SYNDIG1: variants seen among roughly 807,000 people sequenced by gnomAD.
SYNDIG1 encodes the protein synapse differentiation-inducing gene protein 1.
Under a neutral mutation model 19.4 loss-of-function variants are expected in SYNDIG1, and 9 were observed. That is an observed-to-expected ratio of 0.46 (90% CI 0.28 to 0.81). SYNDIG1 has a LOEUF of 0.81. Among genes scored for constraint, SYNDIG1 ranks in the 30% least tolerant of loss-of-function variants. SYNDIG1 has a pLI of 0.12. For missense variants in SYNDIG1, 311 were observed against 343.3 expected, an observed-to-expected ratio of 0.91 and a Z score of 0.74; for synonymous variants, 141 against 145.9, an observed-to-expected ratio of 0.97 and a Z score of 0.24.
chr20:24,549,872 C>T (rs2057670598), intron 2 of SYNDIG1, among the ~76,000 whole-genome samples: 1 of 152,170 alleles, frequency 6.6e-6, no homozygotes. Context: ...ACTTGGGCCA[C>T]CCAGTGGCTG....
Position 24,469,774 on chromosome 20 carries a change from C to T in SYNDIG1, c.-79+21C>T, listed in dbSNP as rs1471518204. ...CGGAGGTAAGTCCAGACCTCCCGGC[C>T]GCGGGGGCGGGCGGAGGGGCCCGCA... On this transcript the variant is annotated intron_variant, in intron 1 of 3. Transcript: ENST00000376862. 5.9e-5 allele frequency: 9 copies of T among 151,774 alleles called. No individual in the cohort carries two copies. In the South Asian group the frequency reaches 1.9e-3, roughly 31 times the overall value. 9.4% of individuals were successfully genotyped at this position (151,774 alleles called of 1,614,324 possible). A position where few individuals can be genotyped will look rare whatever the true frequency, so the allele number is the denominator to read the frequency against.
intron 1 of SYNDIG1, among the ~76,000 whole-genome samples, chr20:24,509,637 G>A (rs1379715077): frequency 6.6e-6 from 1 of 152,072 alleles, no homozygotes; most frequent in Non-Finnish European, 1.5e-5. Context: ...ATATGCTTTA[G>A]TAGCCTTAAT....
Position 24,663,677 on chromosome 20 carries a change from G to A in SYNDIG1, c.619-1669G>A, listed in dbSNP as rs148457748. 7.8e-3 allele frequency among the ~76,000 whole-genome samples: 1,185 copies of A among 152,308 alleles called. 5 individuals are homozygous for A. The highest frequency in any genetic ancestry group is 0.014 in the Middle Eastern group (4 of 294). ...CAGATGTGTGAGCCCTCATGAGCTC[G>A]GGAAGCCCGGCATGGGTGTTCCCAC... On this transcript the variant is annotated intron_variant, in intron 3 of 3. Coordinates refer to ENST00000376862, the MANE Select transcript of SYNDIG1 (RefSeq NM_024893.3).
Position 24,501,880 on chromosome 20 carries a change from C to T in SYNDIG1, c.-79+32127C>T, listed in dbSNP as rs530193448. ...ACTGGGCACTCACCTCTGCAGGCCC[C>T]GAGCTGCTTCTGGCTGACACCTGTG... On this transcript the variant is annotated intron_variant, in intron 1 of 3. Transcript: ENST00000376862. Among the ~76,000 whole-genome samples, 224 of 152,304 alleles carry T rather than the reference C, an allele frequency of 1.5e-3. 1 individual carries two copies. The highest frequency in any genetic ancestry group is 2.2e-3 in the Non-Finnish European group (151 of 68,018).
intron 3 of SYNDIG1, among the ~76,000 whole-genome samples, chr20:24,653,692 T>A (rs2059496060): frequency 6.6e-6 from 1 of 152,240 alleles, no homozygotes; most frequent in African/African-American, 2.4e-5. Context: ...CTTCTAGGGC[T>A]GCCATAACAA....
At chr20:24,559,408 C>T (rs1320469380) in intron 2 of SYNDIG1, among the ~76,000 whole-genome samples, 2 of 151,976 alleles carry the variant, frequency 1.3e-5, no homozygotes, top group African/African-American at 4.8e-5. Flanking sequence ...GCAATTTATG[C>T]ATGTCATAAA....
Position 24,665,445 on chromosome 20 carries a change from G to T in SYNDIG1, c.718G>T (p.Val240Phe). ...AVLSITIGTG[V>F]YVGVAVALIA... ...GCTGTCCATCACCATTGGGACTGGC[G>T]TCTATGTGGGCGTGGCCGTGGCCCT... Residue 240 changes from valine (V) to phenylalanine (F), a missense_variant, in exon 4 of 4, where the codon GTC (valine) becomes TTC (phenylalanine). Physicochemically the swap from Val to Phe is conservative, Grantham distance 50. Coordinates refer to ENST00000376862, the MANE Select transcript of SYNDIG1 (RefSeq NM_024893.3). The T allele has an allele frequency of 1.9e-6, 3 of 1,613,986 alleles. No individual in the cohort carries two copies. The highest frequency in any genetic ancestry group is 2.5e-6 in the Non-Finnish European group (3 of 1,179,968).
chr20:24,661,485 G>GATGAAGGGAGGA (rs2059593700), intron 3 of SYNDIG1, among the ~76,000 whole-genome samples: 1 of 62,384 alleles, frequency 1.6e-5, no homozygotes, highest in African/African-American at 6.5e-5. Context: ...GAAGAGGGAG[G>GATGAAGGGAGGA]AAGAAGGGAG....
intron 1 of SYNDIG1, among the ~76,000 whole-genome samples, chr20:24,497,105 A>G (rs964721844): frequency 5.9e-5 from 9 of 152,212 alleles, no homozygotes; most frequent in Non-Finnish European, 1.3e-4. Context: ...CATATTTGAA[A>G]TGAGATGATT....
chr20:24,609,049 C>T (rs572983970), intron 3 of SYNDIG1, among the ~76,000 whole-genome samples: 2 of 152,264 alleles, frequency 1.3e-5, no homozygotes, highest in South Asian at 2.1e-4. Flanking sequence ...GGCTATTTTA[C>T]GTACGTCTCA....
intron 3 of SYNDIG1, among the ~76,000 whole-genome samples, chr20:24,605,752 A>G (rs1001717897): frequency 6.6e-6 from 1 of 152,062 alleles, no homozygotes; most frequent in Non-Finnish European, 1.5e-5. Flanking sequence ...TGATTTTGTG[A>G]TTATTTGTCT....
intron 3 of SYNDIG1, among the ~76,000 whole-genome samples, chr20:24,587,052 G>A (rs910416130): frequency 2.6e-5 from 4 of 152,220 alleles, no homozygotes; most frequent in South Asian, 4.1e-4. Flanking sequence ...AGGACTCATG[G>A]TGTTTGATAC....
chr20:24,617,297 G>A (rs574019702), intron 3 of SYNDIG1, among the ~76,000 whole-genome samples: 2 of 151,826 alleles, frequency 1.3e-5, no homozygotes, highest in Admixed American at 6.6e-5. Context: ...TCCTAAACTC[G>A]GTCACCGACT....
intron 3 of SYNDIG1, among the ~76,000 whole-genome samples, chr20:24,639,533 G>A (rs1420779786): frequency 6.6e-6 from 1 of 152,194 alleles, no homozygotes; most frequent in Non-Finnish European, 1.5e-5. Context: ...TGTGAGTGAT[G>A]GGGACACTGC....
chr20:24,556,087 G>T (rs2057809537), intron 2 of SYNDIG1, among the ~76,000 whole-genome samples: 1 of 151,962 alleles, frequency 6.6e-6, no homozygotes, highest in South Asian at 2.1e-4. Flanking sequence ...TTTGATCTTT[G>T]TTGGTTTAAA....
At chr20:24,537,302 T>G (rs2057381397) in intron 1 of SYNDIG1, among the ~76,000 whole-genome samples, 1 of 152,248 alleles carries the variant, frequency 6.6e-6, no homozygotes, top group African/African-American at 2.4e-5. Context: ...ATGAATCACA[T>G]GCACCCATCA....
chr20:24,612,779 C>T (rs1000580964), intron 3 of SYNDIG1, among the ~76,000 whole-genome samples: 8 of 152,166 alleles, frequency 5.3e-5, no homozygotes, highest in African/African-American at 1.7e-4. Flanking sequence ...AACTCAGGGT[C>T]GGAGAGGCTC....
At chr20:24,514,470 C>T (rs528175625) in intron 1 of SYNDIG1, among the ~76,000 whole-genome samples, 120 of 152,206 alleles carry the variant, frequency 7.9e-4, no homozygotes, top group African/African-American at 2.7e-3. Flanking sequence ...GCAGGGGTTG[C>T]AATCCTAGTC....
chr20:24,499,818 C>T (rs1053681001), intron 1 of SYNDIG1, among the ~76,000 whole-genome samples: 2 of 152,168 alleles, frequency 1.3e-5, no homozygotes, highest in Non-Finnish European at 2.9e-5. Context: ...CTATACAACA[C>T]AATGAAAATC....
Sources: gnomAD v4.1 joint callset for allele counts (sites outside exome capture counted in the v4.1 genomes callset) on GRCh38, gnomAD v4.1.1 for gene constraint, MANE v1.5 for transcripts, NCBI Gene and HGNC (gene_info 2026-07-23, HGNC 2026-07-21) for gene names.